The following UBE2E2 variants were observed in gnomAD, a reference collection of about 807,000 sequenced individuals.
UBE2E2 encodes ubiquitin-conjugating enzyme E2 E2.
Under a neutral mutation model 24.7 loss-of-function variants are expected in UBE2E2, and 6 were observed. The observed-to-expected ratio is 0.24, with a 90% CI of 0.13 to 0.48. The LOEUF is 0.48. UBE2E2 is among the 20% of genes least tolerant of loss of function. UBE2E2 has a pLI of 0.99. For missense variants in UBE2E2, 169 were observed against 245.0 expected (o/e 0.69, Z 2.07); for synonymous variants, 104 against 83.6 (o/e 1.24, Z -1.33).
chr3:23,509,585 T>C (rs930573284), intron 4 of UBE2E2, among the ~76,000 whole-genome samples: 1 of 152,136 alleles, frequency 6.6e-6, no homozygotes, highest in African/African-American at 2.4e-5. Context: ...ATATATATGT[T>C]TTTTTATTAT....
At chr3:23,282,955 A>T (rs1256612821) in intron 3 of UBE2E2, among the ~76,000 whole-genome samples, 2 of 152,184 alleles carry the variant, frequency 1.3e-5, no homozygotes, top group African/African-American at 4.8e-5. Flanking sequence ...GAACATGGAG[A>T]GCACTAAAAT....
intron 3 of UBE2E2, among the ~76,000 whole-genome samples, chr3:23,265,274 A>G (rs375822257): frequency 5.9e-4 from 90 of 152,300 alleles, no homozygotes; most frequent in African/African-American, 2.0e-3. Context: ...AATTCAGATC[A>G]TTGAGGGTGG....
At chr3:23,215,652 A>G (rs1696456780) in intron 2 of UBE2E2, among the ~76,000 whole-genome samples, 1 of 151,826 alleles carries the variant, frequency 6.6e-6, no homozygotes, top group Admixed American at 6.6e-5. Context: ...ATTTACACCC[A>G]TTTGTTTTGT....
intron 2 of UBE2E2, among the ~76,000 whole-genome samples, chr3:23,211,507 C>T (rs1696323999): frequency 6.6e-6 from 1 of 151,536 alleles, no homozygotes; most frequent in Non-Finnish European, 1.5e-5. Flanking sequence ...CCTCCAGCCT[C>T]AGCCTCCCAA....
intron 3 of UBE2E2, among the ~76,000 whole-genome samples, chr3:23,262,177 T>C (rs1697919106): frequency 6.6e-6 from 1 of 152,226 alleles, no homozygotes; most frequent in Non-Finnish European, 1.5e-5. Flanking sequence ...TCTTTATGGT[T>C]TGGATTTGCA....
intron 5 of UBE2E2, among the ~76,000 whole-genome samples, chr3:23,556,140 C>CTTTT (rs71057604): frequency 3.2e-4 from 30 of 92,312 alleles, no homozygotes; most frequent in African/African-American, 5.3e-4. Flanking sequence ...AATATACAAA[C>CTTTT]TTTTTTTTTT....
At position 23,567,485 on chromosome 3, in the gene UBE2E2, G is replaced by A. The variant is rs150891311; in HGVS notation, c.509-22249G>A. Among the ~76,000 whole-genome samples, 585 of 152,304 alleles carry A rather than the reference G, an allele frequency of 3.8e-3. 5 individuals are homozygous for A. The highest frequency in any genetic ancestry group is 0.012 in the African/African-American group (507 of 41,570). ...TCGAAACCTTCAGGGACTGAAAGAAGGTCATGGGGAATCTGGAAGACCAAG... is the reference window on the plus strand; with the variant it reads ...TCGAAACCTTCAGGGACTGAAAGAAAGTCATGGGGAATCTGGAAGACCAAG... On this transcript the variant is annotated intron_variant, in intron 5 of 5. Coordinates refer to ENST00000396703, the MANE Select transcript of UBE2E2 (RefSeq NM_152653.4).
At chr3:23,347,285 A>G (rs1465129492) in intron 3 of UBE2E2, among the ~76,000 whole-genome samples, 1 of 152,246 alleles carries the variant, frequency 6.6e-6, no homozygotes, top group Non-Finnish European at 1.5e-5. Context: ...TCGCAGTAGC[A>G]GAGACTTGGA....
intron 3 of UBE2E2, among the ~76,000 whole-genome samples, chr3:23,463,698 G>C (rs1698861074): frequency 6.6e-6 from 1 of 152,104 alleles, no homozygotes; most frequent in Non-Finnish European, 1.5e-5. Flanking sequence ...TACATAAAGT[G>C]TATTATTTCT....
chr3:23,267,040 G>C (rs2125358840), intron 3 of UBE2E2, among the ~76,000 whole-genome samples: 1 of 151,994 alleles, frequency 6.6e-6, no homozygotes, highest in Non-Finnish European at 1.5e-5. Flanking sequence ...GAATCTCTGG[G>C]ACACATTCAA....
chr3:23,495,380 G>A (rs1699579369), intron 3 of UBE2E2, among the ~76,000 whole-genome samples: 1 of 152,168 alleles, frequency 6.6e-6, no homozygotes, highest in Admixed American at 6.5e-5. Flanking sequence ...CTATTTGGTA[G>A]TGACTCCTTA....
At chr3:23,269,143 G>T (rs1317190453) in intron 3 of UBE2E2, among the ~76,000 whole-genome samples, 1 of 152,100 alleles carries the variant, frequency 6.6e-6, no homozygotes, top group African/African-American at 2.4e-5. Flanking sequence ...ATAGGCATGG[G>T]CAAGGACTTC....
At chr3:23,537,811 T>C (rs976456571) in intron 5 of UBE2E2, among the ~76,000 whole-genome samples, 3 of 152,198 alleles carry the variant, frequency 2.0e-5, no homozygotes, top group African/African-American at 4.8e-5. Context: ...TTAGTAAATA[T>C]TAAAATTTTA....
intron 3 of UBE2E2, among the ~76,000 whole-genome samples, chr3:23,363,817 C>G (rs1239155769): frequency 6.6e-6 from 1 of 151,984 alleles, no homozygotes; most frequent in African/African-American, 2.4e-5. Flanking sequence ...CTACAGAACT[C>G]TCTACCCAAA....
intron 3 of UBE2E2, among the ~76,000 whole-genome samples, chr3:23,373,904 G>A (rs1402377736): frequency 6.6e-6 from 1 of 152,126 alleles, no homozygotes; most frequent in Non-Finnish European, 1.5e-5. Flanking sequence ...ATTAAGTAAA[G>A]TTAAAATGAT....
intron 3 of UBE2E2, among the ~76,000 whole-genome samples, chr3:23,437,055 G>A (rs1698200231): frequency 6.6e-6 from 1 of 152,206 alleles, no homozygotes; most frequent in Non-Finnish European, 1.5e-5. Context: ...CAGGCCCACA[G>A]GCCATACGTG....
At chr3:23,458,479 G>A (rs911832477) in intron 3 of UBE2E2, among the ~76,000 whole-genome samples, 31 of 149,806 alleles carry the variant, frequency 2.1e-4, no homozygotes, top group African/African-American at 4.8e-4. Flanking sequence ...GTGCAGTGGC[G>A]CCATCTCAGC....
intron 2 of UBE2E2, among the ~76,000 whole-genome samples, chr3:23,209,436 A>G (rs781286329): frequency 3.9e-5 from 6 of 152,184 alleles, no homozygotes; most frequent in Non-Finnish European, 5.9e-5. Flanking sequence ...TTGGTACTCA[A>G]TCTCTTAAAA....
chr3:23,531,878 A>G (rs984267287), intron 4 of UBE2E2, among the ~76,000 whole-genome samples: 9 of 152,122 alleles, frequency 5.9e-5, no homozygotes, highest in African/African-American at 2.2e-4. Flanking sequence ...CCTGGCCAAC[A>G]TGGCAAAACC....
Sources: allele counts gnomAD v4.1 joint callset (sites outside exome capture counted in the v4.1 genomes callset), GRCh38; gene constraint gnomAD v4.1.1; transcripts MANE v1.5; gene names NCBI Gene and HGNC (gene_info 2026-07-23, HGNC 2026-07-21).